Variants in FBXW11 observed in about 807,000 individuals in gnomAD.
The protein encoded by FBXW11 is F-box and WD repeat domain containing 11, also known as F-box/WD repeat-containing protein 11.
In FBXW11, 19 loss-of-function variants were observed where a neutral mutation model predicts 77.6. The observed-to-expected ratio is 0.24, with a 90% CI of 0.17 to 0.36. FBXW11 has a LOEUF of 0.36. Among genes scored for constraint, FBXW11 ranks in the 10% least tolerant of loss-of-function variants. The pLI, the probability that FBXW11 is intolerant of heterozygous loss-of-function variation, is 1.00. For missense variants in FBXW11, 334 were observed against 704.2 expected, an observed-to-expected ratio of 0.47 and a Z score of 5.95; for synonymous variants, 235 against 249.4, an observed-to-expected ratio of 0.94 and a Z score of 0.54.
chr5:171,958,923 C>T (rs1763755470), intron 1 of FBXW11, among the ~76,000 whole-genome samples: 1 of 152,046 alleles, frequency 6.6e-6, no homozygotes, highest in Admixed American at 6.6e-5. Flanking sequence ...TCCTGGATGA[C>T]ACTTATTGTC....
intron 4 of FBXW11, among the ~76,000 whole-genome samples, chr5:171,905,137 C>T (rs951887963): frequency 6.6e-6 from 1 of 152,168 alleles, no homozygotes; most frequent in Non-Finnish European, 1.5e-5. Flanking sequence ...TGCATTTCCT[C>T]CTTCTATGAG....
intron 2 of FBXW11, among the ~76,000 whole-genome samples, chr5:171,942,531 A>C (rs991888930): frequency 2.0e-5 from 3 of 152,172 alleles, no homozygotes; most frequent in African/African-American, 7.2e-5. Flanking sequence ...CTATTGTGAC[A>C]GCTACCACCT....
chr5:171,988,007 G>GT (rs1191140427), intron 1 of FBXW11, among the ~76,000 whole-genome samples: 1 of 152,144 alleles, frequency 6.6e-6, no homozygotes, highest in African/African-American at 2.4e-5. Flanking sequence ...GTAACAATGT[G>GT]TATCTCAATT....
intron 2 of FBXW11, among the ~76,000 whole-genome samples, chr5:171,956,985 CT>C (rs952033981): frequency 5.3e-5 from 8 of 152,280 alleles, no homozygotes; most frequent in East Asian, 1.9e-4. Context: ...AAAAGTTTTA[CT>C]TTTATCTGTG....
chr5:171,866,487 G>C (rs188917850), intron 13 of FBXW11, among the ~76,000 whole-genome samples: 1 of 152,276 alleles, frequency 6.6e-6, no homozygotes, highest in East Asian at 1.9e-4. Context: ...AAGGTAGGTA[G>C]GAGGGAGGGC....
chr5:171,914,871 G>A (rs777264707), intron 2 of FBXW11, among the ~76,000 whole-genome samples: 2 of 152,174 alleles, frequency 1.3e-5, no homozygotes, highest in Non-Finnish European at 2.9e-5. Flanking sequence ...TCCCCTGATA[G>A]CCTTGTTTTT....
At chr5:171,923,119 G>A (rs912835409) in intron 2 of FBXW11, among the ~76,000 whole-genome samples, 1 of 152,102 alleles carries the variant, frequency 6.6e-6, no homozygotes, top group Admixed American at 6.6e-5. Flanking sequence ...TCGTCATGTT[G>A]GCCAGGCTAG....
At chr5:171,905,592 C>A (rs75861151) in intron 4 of FBXW11, among the ~76,000 whole-genome samples, 1 of 98,984 alleles carries the variant, frequency 1.0e-5, no homozygotes, top group African/African-American at 2.8e-5. Flanking sequence ...AAAGCTAACC[C>A]CCCCCCCTTT....
intron 1 of FBXW11, among the ~76,000 whole-genome samples, chr5:171,975,303 G>C (rs928181219): frequency 6.6e-6 from 1 of 152,204 alleles, no homozygotes; most frequent in Non-Finnish European, 1.5e-5. Flanking sequence ...AGGAACATGA[G>C]AGTTTACAGA....
At chr5:171,993,235 G>T (rs920371569) in intron 1 of FBXW11, among the ~76,000 whole-genome samples, 3 of 151,918 alleles carry the variant, frequency 2.0e-5, no homozygotes, top group African/African-American at 7.3e-5. Flanking sequence ...CAGTCATTTG[G>T]CTTGAGTCTT....
intron 1 of FBXW11, among the ~76,000 whole-genome samples, chr5:171,992,556 G>C (rs1361784088): frequency 6.6e-6 from 1 of 151,780 alleles, no homozygotes; most frequent in Non-Finnish European, 1.5e-5. Flanking sequence ...AGGAAAGGAA[G>C]AGAGGAGAGG....
At chr5:171,969,897 G>A (rs993297869) in intron 1 of FBXW11, among the ~76,000 whole-genome samples, 9 of 152,190 alleles carry the variant, frequency 5.9e-5, no homozygotes, top group Admixed American at 2.6e-4. Context: ...TAGAGACGGG[G>A]TTTCACTGTG....
intron 13 of FBXW11, among the ~76,000 whole-genome samples, chr5:171,866,272 A>G (rs895104459): frequency 1.1e-4 from 14 of 124,390 alleles, no homozygotes; most frequent in African/African-American, 7.5e-4. Context: ...CTCAAAGGGA[A>G]AAAAAAAAAA....
chr5:171,995,994 G>C (rs1370482521), intron 1 of FBXW11, among the ~76,000 whole-genome samples: 1 of 152,174 alleles, frequency 6.6e-6, no homozygotes, highest in African/African-American at 2.4e-5. Flanking sequence ...TGTATGACCT[G>C]AGTAACTGGC....
At chr5:171,897,878 T>C (rs971827771) in intron 6 of FBXW11, among the ~76,000 whole-genome samples, 1 of 152,108 alleles carries the variant, frequency 6.6e-6, no homozygotes, top group African/African-American at 2.4e-5. Flanking sequence ...CACATCAACC[T>C]AAGATTAAAG....
intron 1 of FBXW11, among the ~76,000 whole-genome samples, chr5:171,978,392 T>G (rs191515086): frequency 1.1e-4 from 17 of 152,280 alleles, no homozygotes; most frequent in Admixed American, 9.8e-4. Flanking sequence ...GGTATTTCTA[T>G]AAACATAATA....
chr5:171,976,152 G>A (rs1393743093), intron 1 of FBXW11, among the ~76,000 whole-genome samples: 1 of 152,164 alleles, frequency 6.6e-6, no homozygotes, highest in Non-Finnish European at 1.5e-5. Flanking sequence ...GTAACAGTGA[G>A]ATAAAACTAT....
intron 3 of FBXW11, among the ~76,000 whole-genome samples, chr5:171,912,782 C>T (rs1004354509): frequency 2.2e-4 from 34 of 151,908 alleles, no homozygotes; most frequent in Admixed American, 1.4e-3. Flanking sequence ...TAGTGGTGGG[C>T]GCCTGTAATC....
At chr5:171,984,677 A>C (rs965647302) in intron 1 of FBXW11, among the ~76,000 whole-genome samples, 1 of 152,218 alleles carries the variant, frequency 6.6e-6, no homozygotes, top group South Asian at 2.1e-4. Flanking sequence ...CGATTGTAGG[A>C]AAATTAAATA....
Sources: gnomAD v4.1 joint callset for allele counts (sites outside exome capture counted in the v4.1 genomes callset) on GRCh38, gnomAD v4.1.1 for gene constraint, MANE v1.5 for transcripts, NCBI Gene and HGNC (gene_info 2026-07-23, HGNC 2026-07-21) for gene names.